Variants in LRGUK observed in about 807,000 individuals in gnomAD.
LRGUK encodes the protein leucine-rich repeat and guanylate kinase domain-containing protein.
In LRGUK, 65 loss-of-function variants were observed where a neutral mutation model predicts 76.0. The observed-to-expected ratio is 0.85, with a 90% CI of 0.70 to 1.05. The LOEUF is 1.05. LRGUK is among the 50% of genes least tolerant of loss of function. The pLI, the probability that LRGUK is intolerant of heterozygous loss-of-function variation, is 0.00. For missense variants in LRGUK, 758 were observed against 732.8 expected (o/e 1.03, Z -0.40); for synonymous variants, 268 against 265.6 (o/e 1.01, Z -0.09).
At chr7:134,189,274 T>C (rs1800101011) in intron 11 of LRGUK, among the ~76,000 whole-genome samples, 1 of 152,228 alleles carries the variant, frequency 6.6e-6, no homozygotes, top group African/African-American at 2.4e-5. Context: ...AAAAGAAGAA[T>C]TTTGAAAGTC....
chr7:134,127,426 T>TG lies in LRGUK; in HGVS notation c.62dup (p.Arg22GlnfsTer34), dbSNP rs751974028. The TG allele has an allele frequency of 6.8e-6, 11 of 1,613,116 alleles. No individual in the cohort carries two copies. The highest frequency in any genetic ancestry group is 1.7e-5 in the Admixed American group (1 of 59,870). ...AGAGCTGCCTCTCTCCTGAGAGGCT[T>TG]GGGCAGATCCCGAACTGGAGCCCGA... On this transcript the variant is annotated frameshift_variant, in exon 1 of 16. Transcript: ENST00000645682. LOFTEE classifies it high-confidence loss of function.
At chr7:134,195,144 G>A (rs1800427110) in intron 12 of LRGUK, among the ~76,000 whole-genome samples, 1 of 152,146 alleles carries the variant, frequency 6.6e-6, no homozygotes, top group Admixed American at 6.5e-5. Context: ...TATCGATCTG[G>A]GTGGTGCCAG....
rs753789680 is a variant in LRGUK, at chr7:134,263,769, T to G, written c.2348-76T>G. 1.3e-5 allele frequency: 18 copies of G among 1,376,946 alleles called. No individual in the cohort carries two copies. In the Middle Eastern group the frequency reaches 2.0e-3, roughly 156 times the overall value. The allele number at this position is 1,376,946 out of a possible 1,614,324, so 85.3% of individuals were successfully genotyped here. ...GAATTCTAGAAATTGTTCTGGTGCTTATATCATGCAACACTTATTCTCTTT... is the reference window on the plus strand; with the variant it reads ...GAATTCTAGAAATTGTTCTGGTGCTGATATCATGCAACACTTATTCTCTTT... On this transcript the variant is annotated intron_variant, in intron 19 of 19. Coordinates refer to the LRGUK transcript ENST00000285928.
chr7:134,145,714 TCCAG>T (rs1040376644), intron 4 of LRGUK, among the ~76,000 whole-genome samples: 4 of 152,162 alleles, frequency 2.6e-5, no homozygotes, highest in African/African-American at 9.7e-5. Context: ...CCCACATCTT[TCCAG>T]TAAGTCAGGC....
chr7:134,154,644 T>A (rs1798382978), intron 5 of LRGUK, among the ~76,000 whole-genome samples: 1 of 152,238 alleles, frequency 6.6e-6, no homozygotes, highest in East Asian at 1.9e-4. Context: ...GGAATGAGCA[T>A]ATTTCTCAAC....
intron 11 of LRGUK, among the ~76,000 whole-genome samples, chr7:134,188,278 A>G (rs1420889249): frequency 1.3e-5 from 2 of 152,138 alleles, no homozygotes; most frequent in African/African-American, 4.8e-5. Flanking sequence ...GCTTGAGTTG[A>G]GGGTGTATTC....
At chr7:134,273,714 T>G in the LRGUK span, among the ~76,000 whole-genome samples, 1 of 152,168 alleles carries the variant, frequency 6.6e-6, no homozygotes, top group South Asian at 2.1e-4. Flanking sequence ...CTAATTTGTT[T>G]GTTGAAAAAT....
At chr7:134,247,617 G>T in exon 17 of LRGUK, 2 of 1,613,494 alleles carry the variant, frequency 1.2e-6, no homozygotes, top group Non-Finnish European at 1.7e-6. Context: ...GGAAGGATAC[G>T]CCCTGATCAC....
At chr7:134,197,430 G>A (rs1800545518) in intron 13 of LRGUK, among the ~76,000 whole-genome samples, 1 of 152,164 alleles carries the variant, frequency 6.6e-6, no homozygotes, top group Non-Finnish European at 1.5e-5. Context: ...TGCCACTCGA[G>A]CTTTATTTTC....
At chr7:134,177,337 A>G (rs775401184) in intron 9 of LRGUK, among the ~76,000 whole-genome samples, 15 of 152,186 alleles carry the variant, frequency 9.9e-5, no homozygotes, top group Non-Finnish European at 1.6e-4. Flanking sequence ...CTCCACTTAT[A>G]TAGGTCGCAG....
At chr7:134,167,742 G>A (rs1055555427) in intron 7 of LRGUK, among the ~76,000 whole-genome samples, 3 of 152,114 alleles carry the variant, frequency 2.0e-5, no homozygotes. Context: ...ATGACAGCTG[G>A]TGTCTCTGCT....
intron 12 of LRGUK, among the ~76,000 whole-genome samples, chr7:134,195,818 A>G (rs1463398078): frequency 1.3e-5 from 2 of 152,144 alleles, no homozygotes; most frequent in Non-Finnish European, 2.9e-5. Context: ...AAGGATATTT[A>G]TTGTTGAGTT....
At chr7:134,189,232 A>G (rs1728555794) in intron 11 of LRGUK, among the ~76,000 whole-genome samples, 1 of 152,244 alleles carries the variant, frequency 6.6e-6, no homozygotes, top group African/African-American at 2.4e-5. Context: ...TAATTAGTAA[A>G]TAATGAATAT....
Position 134,127,735 on chromosome 7 carries a change from C to A in LRGUK, c.297+71C>A. 4 of 1,502,258 alleles carry A rather than the reference C, an allele frequency of 2.7e-6. No homozygotes were observed. In the East Asian group the frequency reaches 7.2e-5, roughly 27 times the overall value. 93.1% of individuals were successfully genotyped at this position (1,502,258 alleles called of 1,614,324 possible). A position where few individuals can be genotyped will look rare whatever the true frequency, so the allele number is the denominator to read the frequency against. Reference sequence around the variant, plus strand: ...CCCTGTTACTTCAGCGGCAGCTCCCCGATGCACCCCCACCAGCCCGAAGCT... The same window carrying A: ...CCCTGTTACTTCAGCGGCAGCTCCCAGATGCACCCCCACCAGCCCGAAGCT... On this transcript the variant is annotated intron_variant, in intron 1 of 15. Transcript: ENST00000645682.
intron 6 of LRGUK, among the ~76,000 whole-genome samples, chr7:134,162,367 C>T (rs1050978552): frequency 6.6e-6 from 1 of 152,168 alleles, no homozygotes; most frequent in African/African-American, 2.4e-5. Context: ...AACCTCTCCA[C>T]AAGTTCTCTC....
At chr7:134,273,051 T>G in the LRGUK span, among the ~76,000 whole-genome samples, 1 of 152,142 alleles carries the variant, frequency 6.6e-6, no homozygotes, top group Admixed American at 6.6e-5. Flanking sequence ...AATGCATGCC[T>G]GGCTGTGGCT....
intron 16 of LRGUK, among the ~76,000 whole-genome samples, chr7:134,246,558 T>C (rs193162084): frequency 6.6e-6 from 1 of 152,362 alleles, no homozygotes; most frequent in Non-Finnish European, 1.5e-5. Flanking sequence ...TTCACCACCT[T>C]TCACTATCGT....
rs145127000 is a variant in LRGUK, at chr7:134,240,305, T to G, written c.1984-7251T>G. Among the ~76,000 whole-genome samples, 574 of 152,294 alleles carry G rather than the reference T, an allele frequency of 3.8e-3. 4 individuals carry two copies. Among genetic ancestry groups the G allele is most frequent in the African/African-American group, 0.013 (547 of 41,580 alleles). ...ATTGCAAAGAAGCTAAAAACCTTGA[T>G]GAAAGATTAGACGAATGGCTAACTA... On this transcript the variant is annotated intron_variant, in intron 16 of 19. Coordinates refer to the LRGUK transcript ENST00000285928.
intron 1 of LRGUK, among the ~76,000 whole-genome samples, chr7:134,129,150 TC>T: frequency 1.0e-5 from 1 of 100,492 alleles, no homozygotes; most frequent in Admixed American, 1.1e-4. Context: ...CTCCCTTCCT[TC>T]CTCTTTCTTT....
Sources: gnomAD v4.1 joint callset for allele counts (sites outside exome capture counted in the v4.1 genomes callset) on GRCh38, gnomAD v4.1.1 for gene constraint, MANE v1.5 for transcripts, NCBI Gene and HGNC (gene_info 2026-07-23, HGNC 2026-07-21) for gene names.